The following BTBD9 variants were observed in gnomAD, a reference collection of about 807,000 sequenced individuals.
BTBD9 encodes BTB/POZ domain-containing protein 9.
Under a neutral mutation model 64.3 loss-of-function variants are expected in BTBD9, and 49 were observed. The ratio of observed to expected loss-of-function variants is 0.76; its 90% CI spans 0.61 to 0.97. BTBD9 has a LOEUF of 0.97. BTBD9 is among the 50% of genes least tolerant of loss of function. BTBD9 has a pLI of 0.00. For synonymous variants in BTBD9, 260 were observed against 274.7 expected (o/e 0.95, Z 0.53); for missense variants, 598 against 762.1 (o/e 0.78, Z 2.53).
intron 6 of BTBD9, among the ~76,000 whole-genome samples, chr6:38,384,871 G>A (rs1045787716): frequency 3.3e-5 from 5 of 151,884 alleles, no homozygotes; most frequent in East Asian, 1.9e-4. Flanking sequence ...ATAACAACAT[G>A]GGGAAAGCAA....
chr6:38,457,245 T>C (rs918582651), intron 6 of BTBD9, among the ~76,000 whole-genome samples: 2 of 152,182 alleles, frequency 1.3e-5, no homozygotes, highest in Non-Finnish European at 2.9e-5. Flanking sequence ...AAGAGTTTTA[T>C]GCAGAGAGTA....
At chr6:38,354,362 C>T (rs1764636518) in intron 6 of BTBD9, among the ~76,000 whole-genome samples, 1 of 152,164 alleles carries the variant, frequency 6.6e-6, no homozygotes, top group African/African-American at 2.4e-5. Flanking sequence ...TCCGTACACT[C>T]ATACAACCAG....
chr6:38,220,622 G>A (rs947269957), intron 9 of BTBD9, among the ~76,000 whole-genome samples: 1 of 152,206 alleles, frequency 6.6e-6, no homozygotes, highest in Non-Finnish European at 1.5e-5. Flanking sequence ...ATTTAATGAT[G>A]CCTATACTTA....
chr6:38,597,491 C>A (rs1777085927), intron 2 of BTBD9, among the ~76,000 whole-genome samples: 1 of 152,214 alleles, frequency 6.6e-6, no homozygotes, highest in Non-Finnish European at 1.5e-5. Context: ...CTTAGATCTG[C>A]TGGGTTACTA....
At chr6:38,202,084 T>TG (rs1762482127) in intron 9 of BTBD9, among the ~76,000 whole-genome samples, 1 of 139,340 alleles carries the variant, frequency 7.2e-6, no homozygotes, top group African/African-American at 2.8e-5. Context: ...TCGTTTTTTT[T>TG]GTTTTTTTTT....
At chr6:38,282,972 G>A (rs1185364998) in intron 8 of BTBD9, among the ~76,000 whole-genome samples, 1 of 152,288 alleles carries the variant, frequency 6.6e-6, no homozygotes, top group South Asian at 2.1e-4. Flanking sequence ...TGTTTATTTT[G>A]TTTATTCAAT....
At chr6:38,523,075 C>A (rs1276529174) in intron 6 of BTBD9, among the ~76,000 whole-genome samples, 1 of 152,092 alleles carries the variant, frequency 6.6e-6, no homozygotes, top group Non-Finnish European at 1.5e-5. Context: ...CCCAGCTACT[C>A]AGGAGGCTGA....
Position 38,592,736 on chromosome 6 carries a change from A to G in BTBD9, c.654T>C (p.His218=). Residue 218 remains histidine (H), a synonymous_variant, in exon 4 of 11, where the codon CAT becomes CAC. Coordinates refer to ENST00000481247, the MANE Select transcript of BTBD9 (RefSeq NM_001099272.2). ...NWCKHNSKEN[H]AEIMQAVRLP... is the part of the protein sequence containing the mutation. Reference sequence around the variant, plus strand: ...AACGCACAGCCTGCATGATTTCAGCATGATTCTCCTTTGAATTGTGCTTAC... The same window carrying G: ...AACGCACAGCCTGCATGATTTCAGCGTGATTCTCCTTTGAATTGTGCTTAC... 1 of 1,614,220 alleles carries G rather than the reference A, an allele frequency of 6.2e-7. No homozygotes were observed. Among genetic ancestry groups the G allele is most frequent in the South Asian group, 1.1e-5 (1 of 91,084 alleles).
chr6:38,516,542 AG>A (rs1773036504), intron 6 of BTBD9, among the ~76,000 whole-genome samples: 2 of 152,188 alleles, frequency 1.3e-5, no homozygotes, highest in African/African-American at 4.8e-5. Flanking sequence ...TGCCCAGTGT[AG>A]GCAATTCAGA....
intron 6 of BTBD9, among the ~76,000 whole-genome samples, chr6:38,515,355 C>G (rs1401755944): frequency 1.3e-5 from 2 of 152,186 alleles, no homozygotes; most frequent in Non-Finnish European, 2.9e-5. Context: ...ACAAACAGAG[C>G]CTGGGGCAGG....
chr6:38,250,715 TG>T (rs1202031292), intron 9 of BTBD9, among the ~76,000 whole-genome samples: 1 of 152,074 alleles, frequency 6.6e-6, no homozygotes, highest in African/African-American at 2.4e-5. Flanking sequence ...ATGTAGTGGG[TG>T]GTAATTTCTT....
chr6:38,339,234 A>G (rs1458549645), intron 7 of BTBD9, among the ~76,000 whole-genome samples: 1 of 152,236 alleles, frequency 6.6e-6, no homozygotes, highest in Non-Finnish European at 1.5e-5. Context: ...AAAACTGTTT[A>G]TTTAACATCA....
chr6:38,598,848 C>T (rs1485175324), intron 1 of BTBD9, among the ~76,000 whole-genome samples: 1 of 151,954 alleles, frequency 6.6e-6, no homozygotes, highest in African/African-American at 2.4e-5. Flanking sequence ...ACCCAGGAGG[C>T]GGAGGTTGCT....
rs186204880 is a variant in BTBD9, at chr6:38,232,803, C to T, written c.1562+23606G>A. Reference sequence around the variant, plus strand: ...CGTGCATCACTGCGCCTGGCTGAGGCCTTTTTAAATGAGTCTCTCTGGATC... The same window carrying T: ...CGTGCATCACTGCGCCTGGCTGAGGTCTTTTTAAATGAGTCTCTCTGGATC... On this transcript the variant is annotated intron_variant, in intron 9 of 10. Transcript: ENST00000481247. 2.3e-3 allele frequency among the ~76,000 whole-genome samples: 345 copies of T among 152,084 alleles called. 2 individuals are homozygous for T. The highest frequency in any genetic ancestry group is 8.0e-3 in the African/African-American group (334 of 41,498).
intron 8 of BTBD9, among the ~76,000 whole-genome samples, chr6:38,273,462 T>C (rs968121660): frequency 6.6e-6 from 1 of 152,188 alleles, no homozygotes; most frequent in Non-Finnish European, 1.5e-5. Flanking sequence ...AGCAGGCCAG[T>C]GTGAAATCTC....
chr6:38,585,646 T>C (rs1331555624), intron 4 of BTBD9, among the ~76,000 whole-genome samples: 3 of 152,186 alleles, frequency 2.0e-5, no homozygotes, highest in African/African-American at 7.2e-5. Context: ...TCACTGTTAC[T>C]ATTACTGTCT....
chr6:38,406,514 T>A lies in BTBD9; in HGVS notation c.1155-61421A>T, dbSNP rs77545579. Among the ~76,000 whole-genome samples, 5 of 152,100 alleles carry A rather than the reference T, an allele frequency of 3.3e-5. No homozygotes were observed. In the East Asian group the frequency reaches 9.7e-4, roughly 29 times the overall value. On this transcript the variant is annotated intron_variant, in intron 6 of 10. Coordinates refer to ENST00000481247, the MANE Select transcript of BTBD9 (RefSeq NM_001099272.2). ...ATACATTTTCATTTACAGTAAGGAG[T>A]TGGCATTCCCAATTCCCAGTGGTAG...
At chr6:38,588,991 T>C (rs1007180530) in intron 4 of BTBD9, among the ~76,000 whole-genome samples, 10 of 152,210 alleles carry the variant, frequency 6.6e-5, no homozygotes, top group African/African-American at 2.4e-4. Context: ...GGAAGTGTAA[T>C]GCTTCCTTGT....
intron 7 of BTBD9, among the ~76,000 whole-genome samples, chr6:38,321,389 G>C (rs1291058082): frequency 6.6e-6 from 1 of 152,054 alleles, no homozygotes; most frequent in Admixed American, 6.5e-5. Context: ...ATTTCCTTAG[G>C]GTGTGCTCGT....
Sources: allele counts gnomAD v4.1 joint callset (sites outside exome capture counted in the v4.1 genomes callset), GRCh38; gene constraint gnomAD v4.1.1; transcripts MANE v1.5; gene names NCBI Gene and HGNC (gene_info 2026-07-23, HGNC 2026-07-21).